PLB1: variants seen among roughly 807,000 people sequenced by gnomAD.
PLB1 encodes the protein phospholipase B1, membrane-associated.
A neutral mutation model predicts 227.4 loss-of-function variants in PLB1; 242 were observed. The observed-to-expected ratio is 1.06, with a 90% CI of 0.96 to 1.18. The LOEUF is 1.18. PLB1 is among the 50% of genes most tolerant of loss of function. The probability of loss-of-function intolerance (pLI) is 0.00; values close to 1 mark genes in which losing one functional copy is unlikely to be tolerated. For missense variants in PLB1, 1,858 were observed against 1,816.3 expected (o/e 1.02, Z -0.42); for synonymous variants, 757 against 682.2 (o/e 1.11, Z -1.71).
intron 44 of PLB1, 109 bp from the exon 45 acceptor site, chr2:28,617,618 C>T: frequency 9.6e-7 from 1 of 1,037,294 alleles, no homozygotes; most frequent in South Asian, 1.3e-5. Context: ...TGTATGGTGA[C>T]TCATTTCTAG....
intron 17 of PLB1, among the ~76,000 whole-genome samples, chr2:28,554,980 T>G (rs1379944359): frequency 6.6e-6 from 1 of 151,994 alleles, no homozygotes; most frequent in African/African-American, 2.4e-5. Flanking sequence ...CTGACCAAGG[T>G]GAGCATGGGA....
At chr2:28,540,487 G>A (rs370652072) in intron 12 of PLB1, 46 bp downstream of exon 12, 82 of 1,548,322 alleles carry the variant, frequency 5.3e-5, no homozygotes, top group East Asian at 1.1e-4. Flanking sequence ...CCGGGGTGGC[G>A]TGGTCGCCAA....
At chr2:28,626,402 A>G in intron 50 of PLB1, 26 bp from the exon 51 acceptor site, 3 of 1,606,016 alleles carry the variant, frequency 1.9e-6, no homozygotes, top group Non-Finnish European at 2.6e-6. Flanking sequence ...ACCAAGGCCT[A>G]AACTCAGGAT....
At chr2:28,547,879 A>G (rs1445257452) in intron 14 of PLB1, among the ~76,000 whole-genome samples, 2 of 152,074 alleles carry the variant, frequency 1.3e-5, no homozygotes, top group Non-Finnish European at 2.9e-5. Flanking sequence ...CCTTCCCTCT[A>G]ATTCTTTAAC....
Position 28,642,924 on chromosome 2 carries a change from G to T in PLB1, c.4240G>T (p.Glu1414Ter). 1.9e-6 allele frequency: 3 copies of T among 1,608,894 alleles called. No homozygotes were observed. The highest frequency in any genetic ancestry group is 2.5e-6 in the Non-Finnish European group (3 of 1,177,706). ...LLPDQAEEAP[E>*]VLYWAVPVAA... ...CCCAGACCAGGCTGAAGAAGCCCCC[G>T]AGGTGCTCTACTGGGCTGTCCCAGT... Residue 1414 changes from glutamate (E) to a stop codon, truncating the protein, a stop_gained, in exon 58 of 58, where the codon GAG becomes TAG. Coordinates refer to ENST00000327757, the MANE Select transcript of PLB1 (RefSeq NM_153021.5). LOFTEE classifies it low-confidence loss of function (END_TRUNC).
At chr2:28,624,086 A>G (rs956954231) in intron 49 of PLB1, among the ~76,000 whole-genome samples, 9 of 152,300 alleles carry the variant, frequency 5.9e-5, no homozygotes, top group Middle Eastern at 3.4e-3. Context: ...CAACAGAGCA[A>G]GACCCTGTCT....
At chr2:28,628,968 C>A in intron 52 of PLB1, 126 bp from the exon 53 acceptor site, 1 of 740,996 alleles carries the variant, frequency 1.3e-6, no homozygotes, top group Non-Finnish European at 2.2e-6. Flanking sequence ...AAGTTGCATC[C>A]CCTCTCTGGG....
Position 28,582,437 on chromosome 2 carries a change from G to A in PLB1, c.1665G>A (p.Val555=). Residue 555 remains valine, a synonymous_variant, in exon 25 of 58, where the codon GTG becomes GTA. Transcript: ENST00000327757. ...GGGCATTTGTGAACCTGGTGACGGTGCTTGAGATCGTCAACCTGAGGGAGC... is the reference window on the plus strand; with the variant it reads ...GGGCATTTGTGAACCTGGTGACGGTACTTGAGATCGTCAACCTGAGGGAGC... ...VPRAFVNLVT[V]LEIVNLRELY... 1 of 1,613,360 alleles carries A rather than the reference G, an allele frequency of 6.2e-7. No individual in the cohort carries two copies. Among genetic ancestry groups the A allele is most frequent in the Admixed American group, 1.7e-5 (1 of 59,976 alleles).
At chr2:28,526,232 TG>T (rs894356630) in intron 6 of PLB1, among the ~76,000 whole-genome samples, 20 of 152,042 alleles carry the variant, frequency 1.3e-4, no homozygotes, top group African/African-American at 4.6e-4. Flanking sequence ...CCAGCTGGAA[TG>T]GGTGTCGGGG....
At position 28,606,557 on chromosome 2, in the gene PLB1, G is replaced by C; in HGVS notation, c.3119G>C (p.Cys1040Ser). The C allele has an allele frequency of 6.2e-7, 1 of 1,614,140 alleles. No individual in the cohort carries two copies. Among genetic ancestry groups the C allele is most frequent in the South Asian group, 1.1e-5 (1 of 91,084 alleles). The change falls in exon 43 of 58, where the codon TGT (cysteine) becomes TCT (serine). Residue 1040 changes from cysteine (C) to serine (S), a missense_variant. Transcript: ENST00000327757. ...CTGAGAGCAGAGATGCCCATCACCT[G>C]TCCCACTCAGGTAGTAGGGGAGGAC... ...LDLRAEMPIT[C>S]PTQNEPFLRT... is the part of the protein sequence containing the mutation.
In PLB1 at chr2:28,559,608, CAATGTT is replaced by C. The variant is rs150968265; in HGVS notation, c.1148-3429_1148-3424del. 1.2e-4 allele frequency among the ~76,000 whole-genome samples: 18 copies of C among 152,234 alleles called. No homozygotes were observed. The East Asian group carries it at 2.7e-3, about 23-fold the overall frequency. On this transcript the variant is annotated intron_variant, in intron 17 of 57. Coordinates refer to ENST00000327757, the MANE Select transcript of PLB1 (RefSeq NM_153021.5). ...AAGTCCCTTGAGTATGTTTTCCACT[CAATGTT>C]AATCCGGCTTCCTGCACAGGTACAA...
At chr2:28,606,688 G>T in intron 43 of PLB1, 121 bp downstream of exon 43, 1 of 878,004 alleles carries the variant, frequency 1.1e-6, no homozygotes, top group South Asian at 1.4e-5. Flanking sequence ...TGAGGCCTGA[G>T]AGATTTGGAG....
At position 28,643,341 on chromosome 2, in the gene PLB1, T is replaced by G. The variant is rs1457330354; in HGVS notation, c.*280T>G. ...CCCAGGTGTGGGAGCTGCCACTTTT[T>G]GTGGCCTGCCTCCAGCAGGGCTGCC... On this transcript the variant is annotated 3_prime_UTR_variant, in exon 58 of 58. Coordinates refer to ENST00000327757, the MANE Select transcript of PLB1 (RefSeq NM_153021.5). 3.8e-5 allele frequency: 11 copies of G among 293,128 alleles called. No homozygotes were observed. Among genetic ancestry groups the G allele is most frequent in the Non-Finnish European group, 6.9e-5 (11 of 158,526 alleles). The allele number at this position is 293,128 out of a possible 1,614,324, so 18.2% of individuals were successfully genotyped here. A position where few individuals can be genotyped will look rare whatever the true frequency, so the allele number is the denominator to read the frequency against.
chr2:28,499,401 C>G (rs1374310497), intron 1 of PLB1, among the ~76,000 whole-genome samples: 1 of 152,110 alleles, frequency 6.6e-6, no homozygotes, highest in Non-Finnish European at 1.5e-5. Flanking sequence ...ATAGCACTCA[C>G]TTTTGCACCA....
chr2:28,631,395 C>T (rs1344551307), intron 54 of PLB1, among the ~76,000 whole-genome samples: 4 of 152,144 alleles, frequency 2.6e-5, no homozygotes, highest in African/African-American at 7.2e-5. Flanking sequence ...GAACTTCACC[C>T]GCGGACATCT....
intron 18 of PLB1, 150 bp downstream of exon 18, chr2:28,563,249 C>A: frequency 2.6e-6 from 2 of 775,456 alleles, no homozygotes; most frequent in Non-Finnish European, 4.4e-6. Flanking sequence ...ATTGTCCGAC[C>A]CACCCTGGCA....
rs1672494676 is a variant in PLB1 at position 28,541,622 on chromosome 2, C to G, written c.775-85C>G. On this transcript the variant is annotated intron_variant, in intron 12 of 57. Transcript: ENST00000327757. ...GCAAGAGGCAGATCCTGTCCCAGGG[C>G]TGCCGAGAATGATTTGGTCAGGTCT... 6 of 974,256 alleles carry G rather than the reference C, an allele frequency of 6.2e-6. No individual in the cohort carries two copies. In the Admixed American group the frequency reaches 1.2e-4, roughly 20 times the overall value. The allele number at this position is 974,256 out of a possible 1,614,324, so 60.4% of individuals were successfully genotyped here.
chr2:28,538,783 C>A (rs896714531), intron 10 of PLB1, among the ~76,000 whole-genome samples: 4 of 152,178 alleles, frequency 2.6e-5, no homozygotes, highest in African/African-American at 9.6e-5. Context: ...CGCTTTGCTC[C>A]CCTGGAGGGC....
chr2:28,519,689 G>A lies in PLB1; in HGVS notation c.185-16G>A. On this transcript the variant is annotated splice_polypyrimidine_tract_variant and intron_variant, in intron 3 of 57. Coordinates refer to ENST00000327757, the MANE Select transcript of PLB1 (RefSeq NM_153021.5). The stretch of plus-strand genomic sequence containing the variant: ...ATGTAGATCTGACCTTCCTATATGG[G>A]TTCTTGTCTCCACAGTTCACTCTCT... 1.9e-6 allele frequency: 3 copies of A among 1,595,576 alleles called. No individual in the cohort carries two copies. Among genetic ancestry groups the A allele is most frequent in the Non-Finnish European group, 2.6e-6 (3 of 1,164,046 alleles).
Sources: allele counts gnomAD v4.1 joint callset (sites outside exome capture counted in the v4.1 genomes callset), GRCh38; gene constraint gnomAD v4.1.1; transcripts MANE v1.5; gene names NCBI Gene and HGNC (gene_info 2026-07-23, HGNC 2026-07-21).